Variants in EFHB observed in about 807,000 individuals in gnomAD.
EFHB encodes the protein EF-hand domain-containing family member B.
EFHB carries 91 observed loss-of-function variants against 87.2 expected under a neutral mutation model. The observed-to-expected ratio is 1.04, with a 90% CI of 0.88 to 1.24. EFHB has a LOEUF of 1.24. Ranked by LOEUF, EFHB falls within the 50% of genes most tolerant of loss-of-function variation. The pLI is 0.00. For synonymous variants in EFHB, 325 were observed against 333.6 expected (o/e 0.97, Z 0.28); for missense variants, 1,084 against 998.8 (o/e 1.09, Z -1.15).
At chr3:19,897,463 G>A (rs1413243396) in intron 8 of EFHB, among the ~76,000 whole-genome samples, 3 of 152,028 alleles carry the variant, frequency 2.0e-5, no homozygotes, top group Admixed American at 6.6e-5. Context: ...GTGGCGGCTC[G>A]GTGGATATCG....
chr3:19,889,411 C>A (rs972145143), intron 9 of EFHB, among the ~76,000 whole-genome samples: 1 of 152,170 alleles, frequency 6.6e-6, no homozygotes, highest in Non-Finnish European at 1.5e-5. Context: ...TTTGTTTCTG[C>A]AGTGAATTCT....
At position 19,884,582 on chromosome 3, in the gene EFHB, G is replaced by A. The variant is rs528839970; in HGVS notation, c.1967C>T (p.Ala656Val). The change falls in exon 11 of 13, where the codon GCT (alanine) becomes GTT (valine). Residue 656 changes from alanine (A) to valine (V), a missense_variant. Coordinates refer to ENST00000295824, the MANE Select transcript of EFHB (RefSeq NM_144715.4). ...RKPDCVNPTE[A>V]NVEEPEQTLL... ...AGTTTGTTCAGGTTCTTCAACATTA[G>A]CCTCAGTAGGGTTTACACAATCTGG... 6.2e-7 allele frequency: 1 copy of A among 1,613,876 alleles called. No homozygotes were observed. Among genetic ancestry groups the A allele is most frequent in the South Asian group, 1.1e-5 (1 of 91,082 alleles).
chr3:19,946,667 G>T (rs1430007243), intron 1 of EFHB, among the ~76,000 whole-genome samples: 1 of 152,136 alleles, frequency 6.6e-6, no homozygotes, highest in African/African-American at 2.4e-5. Context: ...GGGCCATTTT[G>T]TGGGAGGAGG....
At chr3:19,889,386 G>T (rs1465749037) in intron 9 of EFHB, among the ~76,000 whole-genome samples, 2 of 152,116 alleles carry the variant, frequency 1.3e-5, no homozygotes, top group Non-Finnish European at 1.5e-5. Context: ...GATGGCAAAG[G>T]TCCCAGTTTT....
intron 1 of EFHB, among the ~76,000 whole-genome samples, chr3:19,922,774 A>G (rs1011072727): frequency 6.6e-6 from 1 of 152,210 alleles, no homozygotes; most frequent in South Asian, 2.1e-4. Flanking sequence ...AACAGTACCA[A>G]CCTCATAGAG....
intron 1 of EFHB, chr3:19,943,136 T>C (rs1003654287): frequency 2.4e-5 from 6 of 245,780 alleles, no homozygotes; most frequent in South Asian, 1.2e-4. Flanking sequence ...ATGGGGTTCA[T>C]TGCAACTTGA....
At chr3:19,908,542 AAGAAAGAG>A (rs1164880147) in intron 5 of EFHB, among the ~76,000 whole-genome samples, 2 of 113,166 alleles carry the variant, frequency 1.8e-5, no homozygotes, top group African/African-American at 6.9e-5. Flanking sequence ...CAAAAAAAGA[AAGAAAGAG>A]AGAAAGAGAG....
intron 12 of EFHB, among the ~76,000 whole-genome samples, chr3:19,882,112 A>G (rs2071694134): frequency 6.6e-6 from 1 of 152,128 alleles, no homozygotes; most frequent in South Asian, 2.1e-4. Context: ...AACAAGACAG[A>G]ATATTTTAAA....
intron 5 of EFHB, among the ~76,000 whole-genome samples, chr3:19,912,367 C>A (rs1695091268): frequency 1.3e-5 from 2 of 151,948 alleles, no homozygotes; most frequent in African/African-American, 4.8e-5. Flanking sequence ...ATATCCTTCA[C>A]ACATGATGAA....
At chr3:19,937,459 C>G (rs1257387872), upstream of EFHB, among the ~76,000 whole-genome samples, 2 of 152,048 alleles carry the variant, frequency 1.3e-5, no homozygotes, top group Admixed American at 6.5e-5. Flanking sequence ...AAAGCTAACA[C>G]ACACAAAATA....
upstream of EFHB, chr3:19,936,036 CAG>C: frequency 4.1e-6 from 3 of 723,070 alleles, no homozygotes; most frequent in Non-Finnish European, 5.2e-6. Context: ...AAAAGCAAAA[CAG>C]AATTTGAAAA....
chr3:19,932,195 C>G lies in EFHB; in HGVS notation c.789+1035G>C, dbSNP rs1340834368. 4.6e-5 allele frequency among the ~76,000 whole-genome samples: 7 copies of G among 152,200 alleles called. 1 individual carries two copies. In the South Asian group the frequency reaches 1.4e-3, roughly 31 times the overall value. ...AGTCTCCTTTCTATTCTTTCTAACT[C>G]TACATTAATTCCAGTCCATCAGAAC... is the stretch of plus-strand genomic sequence containing the variant. On this transcript the variant is annotated intron_variant, in intron 1 of 12. Transcript: ENST00000295824.
At chr3:19,902,448 G>A (rs545091823) in intron 6 of EFHB, among the ~76,000 whole-genome samples, 38 of 152,058 alleles carry the variant, frequency 2.5e-4, no homozygotes, top group Non-Finnish European at 4.3e-4. Flanking sequence ...TCCACCTCCC[G>A]GGTTCAAGCG....
intron 9 of EFHB, among the ~76,000 whole-genome samples, chr3:19,895,842 T>C (rs943713240): frequency 6.6e-6 from 1 of 152,210 alleles, no homozygotes; most frequent in African/African-American, 2.4e-5. Context: ...ACAAAAAATA[T>C]GCCACGTTTC....
chr3:19,892,822 T>C (rs1046624614), intron 9 of EFHB, among the ~76,000 whole-genome samples: 2 of 148,024 alleles, frequency 1.4e-5, no homozygotes, highest in African/African-American at 5.2e-5. Context: ...GCCACTGCAC[T>C]CCAACCTGGG....
chr3:19,921,924 G>C (rs559392730), intron 1 of EFHB, among the ~76,000 whole-genome samples: 1 of 152,204 alleles, frequency 6.6e-6, no homozygotes, highest in East Asian at 1.9e-4. Context: ...CAGCACTTTG[G>C]GAGGTCAAGG....
rs2125160914 is a variant in EFHB, at chr3:19,927,428, C to CT, written c.789+5801dup. Among the ~76,000 whole-genome samples, 2 of 152,292 alleles carry CT rather than the reference C, an allele frequency of 1.3e-5. 1 individual carries two copies. The highest frequency in any genetic ancestry group is 4.1e-4 in the South Asian group (2 of 4,824). On this transcript the variant is annotated intron_variant, in intron 1 of 12. Coordinates refer to ENST00000295824, the MANE Select transcript of EFHB (RefSeq NM_144715.4). Reference sequence around the variant, plus strand: ...AGTATTTCTTGGAAACTTTTCCTTCCTGCACTGGTTCCACATCCATGACTG... The same window carrying CT: ...AGTATTTCTTGGAAACTTTTCCTTCCTTGCACTGGTTCCACATCCATGACTG...
Position 19,885,776 on chromosome 3 carries a change from G to C in EFHB, c.1934-1161C>G, listed in dbSNP as rs142402385. 6.4e-4 allele frequency among the ~76,000 whole-genome samples: 97 copies of C among 152,238 alleles called. 5 individuals carry two copies. The East Asian group carries it at 0.011, about 17-fold the overall frequency. The stretch of plus-strand genomic sequence containing the variant: ...CCACACTCAGTTCCTGCCAATTGCT[G>C]CTCTGAAAATTCTCAGGCCCACTGT... On this transcript the variant is annotated intron_variant, in intron 10 of 12. Transcript: ENST00000295824.
At chr3:19,934,392 C>T (rs566087468), upstream of EFHB, among the ~76,000 whole-genome samples, 32 of 20,170 alleles carry the variant, frequency 1.6e-3, no homozygotes, top group East Asian at 0.013. Flanking sequence ...TTTCTCTCTG[C>T]CCCCCCTTCT....
Sources: allele counts gnomAD v4.1 joint callset (sites outside exome capture counted in the v4.1 genomes callset), GRCh38; gene constraint gnomAD v4.1.1; transcripts MANE v1.5; gene names NCBI Gene and HGNC (gene_info 2026-07-23, HGNC 2026-07-21).